SMG7: variants seen among roughly 807,000 people sequenced by gnomAD.
SMG7 encodes the protein SMG7 nonsense mediated mRNA decay factor.
A neutral mutation model predicts 148.2 loss-of-function variants in SMG7; 34 were observed. The observed-to-expected ratio is 0.23, with a 90% CI of 0.17 to 0.31. The LOEUF is 0.31. Among genes scored for constraint, SMG7 ranks in the 10% least tolerant of loss-of-function variants. The pLI, the probability that SMG7 is intolerant of heterozygous loss-of-function variation, is 1.00. For missense variants in SMG7, 1,114 were observed against 1,408.4 expected, an observed-to-expected ratio of 0.79 and a Z score of 3.35; for synonymous variants, 492 against 515.1, an observed-to-expected ratio of 0.96 and a Z score of 0.61.
At chr1:183,503,968 A>G (rs12408040) in intron 1 of SMG7, among the ~76,000 whole-genome samples, 6 of 152,322 alleles carry the variant, frequency 3.9e-5, no homozygotes, top group Admixed American at 3.9e-4. Context: ...TTCATATTTT[A>G]TCACTCAATA....
At chr1:183,521,184 C>T (rs1331762470) in intron 4 of SMG7, among the ~76,000 whole-genome samples, 2 of 151,664 alleles carry the variant, frequency 1.3e-5, no homozygotes, top group African/African-American at 2.4e-5. Context: ...CTGCAACCTC[C>T]GCCTCCTGGG....
At chr1:183,517,956 T>TC in intron 4 of SMG7, 136 bp downstream of exon 4, 3 of 913,756 alleles carry the variant, frequency 3.3e-6, no homozygotes, top group Non-Finnish European at 5.0e-6. Context: ...TATAATCTTT[T>TC]CTTTTTTGGC....
At chr1:183,517,640 G>T in intron 3 of SMG7, 48 bp from the exon 4 acceptor site, 2 of 1,593,106 alleles carry the variant, frequency 1.3e-6, no homozygotes, top group Non-Finnish European at 8.6e-7. Flanking sequence ...ACCAGTGTCT[G>T]CCCAGTGAGT....
intron 1 of SMG7, among the ~76,000 whole-genome samples, chr1:183,487,825 C>G (rs1283084855): frequency 1.3e-5 from 2 of 152,176 alleles, no homozygotes; most frequent in African/African-American, 2.4e-5. Context: ...TAATGGGAAG[C>G]AGGTTCTGCT....
rs144208909 is a variant in SMG7 at position 183,541,988 on chromosome 1, G to A, written c.1416-88G>A. 4.5e-5 allele frequency: 49 copies of A among 1,081,002 alleles called. No homozygotes were observed. The African/African-American group carries it at 5.1e-4, about 11-fold the overall frequency. The allele number at this position is 1,081,002 out of a possible 1,614,324, so 67.0% of individuals were successfully genotyped here. A position where few individuals can be genotyped will look rare whatever the true frequency, so the allele number is the denominator to read the frequency against. On this transcript the variant is annotated intron_variant, in intron 13 of 22. Coordinates refer to ENST00000688051, the MANE Select transcript of SMG7 (RefSeq NM_001375584.1). ...CTGTTTTCATGGTTATTAGTGCTAGGAATATATTGACTTGGATCCACACAC... is the reference window on the plus strand; with the variant it reads ...CTGTTTTCATGGTTATTAGTGCTAGAAATATATTGACTTGGATCCACACAC...
rs1668728288 is a variant in SMG7 at position 183,541,053 on chromosome 1, A to G, written c.1365A>G (p.Arg455=). The G allele has an allele frequency of 6.2e-7, 1 of 1,613,708 alleles. No homozygotes were observed. Among genetic ancestry groups the G allele is most frequent in the Non-Finnish European group, 8.5e-7 (1 of 1,179,588 alleles). Residue 455 remains arginine, a synonymous_variant, in exon 13 of 23, where the codon CGA becomes CGG. Transcript: ENST00000688051. ...GDKEGQQRRI[R]QQRLISIGKW... is the part of the protein sequence containing the mutation. Reference sequence around the variant, plus strand: ...AAGAAGGCCAGCAACGACGAATACGACAGCAACGCTTGATCTCTATAGGCA... The same window carrying G: ...AAGAAGGCCAGCAACGACGAATACGGCAGCAACGCTTGATCTCTATAGGCA...
intron 4 of SMG7, among the ~76,000 whole-genome samples, chr1:183,523,249 G>A (rs957716835): frequency 6.6e-6 from 1 of 152,144 alleles, no homozygotes; most frequent in African/African-American, 2.4e-5. Context: ...AAGAGCTGAG[G>A]AGACAAGAGA....
intron 1 of SMG7, among the ~76,000 whole-genome samples, chr1:183,499,035 A>G (rs1659187100): frequency 6.6e-6 from 1 of 152,318 alleles, no homozygotes. Context: ...AGATTGTAAC[A>G]TGCATTTAAG....
intron 14 of SMG7, among the ~76,000 whole-genome samples, chr1:183,543,058 C>T (rs777992264): frequency 1.3e-5 from 2 of 151,256 alleles, no homozygotes; most frequent in Admixed American, 6.6e-5. Context: ...TAATCTTATC[C>T]TGGATCCTGG....
At chr1:183,494,386 CAAT>C (rs1444980997) in intron 1 of SMG7, among the ~76,000 whole-genome samples, 1 of 148,452 alleles carries the variant, frequency 6.7e-6, no homozygotes, top group Non-Finnish European at 1.5e-5. Context: ...TTTCTTAAAA[CAAT>C]AAATTGACTT....
intron 1 of SMG7, among the ~76,000 whole-genome samples, chr1:183,475,507 G>A (rs1651935989): frequency 6.6e-6 from 1 of 152,240 alleles, no homozygotes. Context: ...TATGTGTTAG[G>A]AAAATGACTC....
At chr1:183,483,163 C>G (rs929295494) in intron 1 of SMG7, among the ~76,000 whole-genome samples, 1 of 152,100 alleles carries the variant, frequency 6.6e-6, no homozygotes, top group African/African-American at 2.4e-5. Flanking sequence ...CATTAATATT[C>G]TCATCTGTTT....
At chr1:183,516,448 T>A (rs1000475927) in intron 3 of SMG7, among the ~76,000 whole-genome samples, 1 of 152,214 alleles carries the variant, frequency 6.6e-6, no homozygotes, top group Non-Finnish European at 1.5e-5. Flanking sequence ...AATAAGTTGG[T>A]AGTATTTCCT....
chr1:183,506,218 A>G (rs1011439729), intron 1 of SMG7, among the ~76,000 whole-genome samples: 1 of 152,216 alleles, frequency 6.6e-6, no homozygotes, highest in Non-Finnish European at 1.5e-5. Context: ...ACACATTTTT[A>G]AAGAATATAA....
chr1:183,526,836 CTG>C, intron 5 of SMG7, 69 bp downstream of exon 5: 2 of 1,351,972 alleles, frequency 1.5e-6, no homozygotes, highest in Non-Finnish European at 2.0e-6. Context: ...TAGAAAGAAA[CTG>C]TTTTCCTTTA....
chr1:183,474,201 A>G (rs1651502251), intron 1 of SMG7, among the ~76,000 whole-genome samples: 1 of 152,226 alleles, frequency 6.6e-6, no homozygotes, highest in African/African-American at 2.4e-5. Context: ...GATTAGTCTT[A>G]AGGAATTTGC....
At chr1:183,549,988 G>C (rs570417906) in intron 20 of SMG7, 65 bp downstream of exon 20, 4 of 1,037,808 alleles carry the variant, frequency 3.9e-6, no homozygotes, top group Non-Finnish European at 5.5e-6. Context: ...TTAAGGGATA[G>C]TGAGATTCTG....
In SMG7 at chr1:183,541,015, A is replaced by G; in HGVS notation, c.1327A>G (p.Ile443Val). The change falls in exon 13 of 23, where the codon ATT (isoleucine) becomes GTT (valine). Residue 443 changes from isoleucine to valine, a missense_variant. Physicochemically the swap from Ile to Val is conservative, Grantham distance 29 (BLOSUM62 3). Around this residue, in one of 4 missense-constraint regions of SMG7, gnomAD observed 788 missense variants for 894.5 expected, o/e 0.88. Transcript: ENST00000688051. ...NLDFSKGHQG[I>V]TGDKEGQQRR... Reference sequence around the variant, plus strand: ...GGATTTTTCCAAAGGTCACCAGGGTATTACAGGGGACAAAGAAGGCCAGCA... The same window carrying G: ...GGATTTTTCCAAAGGTCACCAGGGTGTTACAGGGGACAAAGAAGGCCAGCA... 6.2e-7 allele frequency: 1 copy of G among 1,613,256 alleles called. No homozygotes were observed. Among genetic ancestry groups the G allele is most frequent in the African/African-American group, 1.3e-5 (1 of 75,040 alleles).
chr1:183,552,269 G>C lies in SMG7; in HGVS notation c.*338G>C. On this transcript the variant is annotated 3_prime_UTR_variant, in exon 23 of 23. Coordinates refer to ENST00000688051, the MANE Select transcript of SMG7 (RefSeq NM_001375584.1). ...TGGGAAGTGAAAGCTGAGAAGGGAA[G>C]GCAGATGGGAGAAGCCAATGGGAAC... The C allele has an allele frequency of 9.7e-7, 1 of 1,026,286 alleles. No homozygotes were observed. The highest frequency in any genetic ancestry group is 1.2e-6 in the Non-Finnish European group (1 of 856,930). The allele number at this position is 1,026,286 out of a possible 1,614,324, so 63.6% of individuals were successfully genotyped here.
Sources: allele counts gnomAD v4.1 joint callset (sites outside exome capture counted in the v4.1 genomes callset), GRCh38; gene constraint gnomAD v4.1.1; regional missense constraint gnomAD v4.1.1; transcripts MANE v1.5; gene names NCBI Gene and HGNC (gene_info 2026-07-23, HGNC 2026-07-21).